Variants in SOX6 observed in about 807,000 individuals in gnomAD.
SOX6 encodes the protein transcription factor SOX-6.
A neutral mutation model predicts 97.8 loss-of-function variants in SOX6; 11 were observed. That is an observed-to-expected ratio of 0.11 (90% CI 0.07 to 0.19). SOX6 has a LOEUF of 0.19. SOX6 is among the 10% of genes least tolerant of loss of function. The pLI is 1.00. For missense variants in SOX6, 810 were observed against 1,039.5 expected, an observed-to-expected ratio of 0.78 and a Z score of 3.04; for synonymous variants, 360 against 371.4, an observed-to-expected ratio of 0.97 and a Z score of 0.35.
At chr11:16,604,758 G>C (rs928790392) in intron 4 of SOX6, among the ~76,000 whole-genome samples, 4 of 152,236 alleles carry the variant, frequency 2.6e-5, no homozygotes, top group African/African-American at 9.6e-5. Flanking sequence ...TCCCCAAATA[G>C]GGGCTGCATT....
chr11:16,230,760 T>C (rs1186083709), intron 4 of SOX6, among the ~76,000 whole-genome samples: 2 of 151,512 alleles, frequency 1.3e-5, no homozygotes, highest in South Asian at 2.1e-4. Flanking sequence ...TAAAGAAAAA[T>C]TATGAGTGTA....
chr11:16,678,057 T>G (rs1249427468), intron 3 of SOX6, among the ~76,000 whole-genome samples: 1 of 152,216 alleles, frequency 6.6e-6, no homozygotes, highest in Non-Finnish European at 1.5e-5. Flanking sequence ...CTTATCACTC[T>G]GACTAGATGT....
intron 2 of SOX6, among the ~76,000 whole-genome samples, chr11:16,733,133 T>G (rs1321022265): frequency 1.3e-5 from 2 of 152,262 alleles, no homozygotes; most frequent in Non-Finnish European, 2.9e-5. Context: ...TTGGTGAGAA[T>G]GTGAATTAGT....
intron 3 of SOX6, among the ~76,000 whole-genome samples, chr11:16,273,674 A>C (rs1470188909): frequency 2.0e-5 from 3 of 152,042 alleles, no homozygotes; most frequent in Non-Finnish European, 4.4e-5. Flanking sequence ...GAAGAAAAAA[A>C]ACATGATCAA....
At chr11:16,564,442 A>C (rs898559876) in intron 4 of SOX6, among the ~76,000 whole-genome samples, 1 of 152,214 alleles carries the variant, frequency 6.6e-6, no homozygotes, top group Non-Finnish European at 1.5e-5. Flanking sequence ...ATGATACAGA[A>C]GAATTAAACA....
chr11:16,027,515 C>T (rs1182482158), intron 12 of SOX6, among the ~76,000 whole-genome samples: 2 of 152,112 alleles, frequency 1.3e-5, no homozygotes, highest in Non-Finnish European at 2.9e-5. Flanking sequence ...CTGCTTTAGT[C>T]GTACTATAGA....
At chr11:16,176,115 CAGAG>C (rs143702999) in intron 6 of SOX6, among the ~76,000 whole-genome samples, 90 of 141,174 alleles carry the variant, frequency 6.4e-4, no homozygotes, top group East Asian at 2.9e-3. Flanking sequence ...ATGGATGAGA[CAGAG>C]AGAGAGAGAG....
intron 4 of SOX6, among the ~76,000 whole-genome samples, chr11:16,593,935 A>G (rs1848182103): frequency 6.6e-6 from 1 of 152,234 alleles, no homozygotes; most frequent in Admixed American, 6.5e-5. Context: ...TTCATGTACA[A>G]TATAAAGGGG....
At chr11:16,123,553 G>A (rs1849542384) in intron 6 of SOX6, among the ~76,000 whole-genome samples, 1 of 151,988 alleles carries the variant, frequency 6.6e-6, no homozygotes, top group South Asian at 2.1e-4. Context: ...AAGTCAAGTA[G>A]TCTTCAGGTT....
intron 4 of SOX6, among the ~76,000 whole-genome samples, chr11:16,594,690 T>TTTG (rs1435118862): frequency 4.8e-4 from 59 of 123,796 alleles, no homozygotes; most frequent in Middle Eastern, 3.9e-3. Context: ...TTTGCTTTTT[T>TTTG]TTTTTTTTTT....
intron 4 of SOX6, among the ~76,000 whole-genome samples, chr11:16,228,728 T>G (rs1435338778): frequency 6.6e-6 from 1 of 152,168 alleles, no homozygotes; most frequent in Non-Finnish European, 1.5e-5. Flanking sequence ...GCTTGACTAG[T>G]AATCATTTCA....
intron 4 of SOX6, among the ~76,000 whole-genome samples, chr11:16,214,993 TGACCTC>T (rs1852333143): frequency 6.6e-6 from 1 of 152,064 alleles, no homozygotes; most frequent in Admixed American, 6.6e-5. Flanking sequence ...CATGATCAGC[TGACCTC>T]GGCCTCCCAA....
chr11:16,078,872 G>C (rs1187372064), intron 9 of SOX6, among the ~76,000 whole-genome samples: 1 of 152,116 alleles, frequency 6.6e-6, no homozygotes, highest in Non-Finnish European at 1.5e-5. Context: ...CCTATGGCAA[G>C]GGTGTACTTG....
At chr11:16,455,912 C>T (rs1398540496) in intron 1 of SOX6, among the ~76,000 whole-genome samples, 17 of 151,850 alleles carry the variant, frequency 1.1e-4, no homozygotes, top group Non-Finnish European at 1.2e-4. Flanking sequence ...TTACTGGTTG[C>T]TTAAAGAAAA....
At chr11:16,590,678 G>A (rs1848139582) in intron 4 of SOX6, among the ~76,000 whole-genome samples, 1 of 152,070 alleles carries the variant, frequency 6.6e-6, no homozygotes, top group African/African-American at 2.4e-5. Flanking sequence ...ATAATGTTCA[G>A]TGAAATAAGC....
intron 1 of SOX6, among the ~76,000 whole-genome samples, chr11:16,414,469 A>G (rs897969137): frequency 1.3e-5 from 2 of 152,310 alleles, no homozygotes; most frequent in South Asian, 4.1e-4. Flanking sequence ...TTTTTAATTA[A>G]TTCCCTCAGT....
intron 13 of SOX6, among the ~76,000 whole-genome samples, chr11:15,996,584 G>A (rs536180814): frequency 6.6e-6 from 1 of 152,270 alleles, no homozygotes; most frequent in South Asian, 2.1e-4. Flanking sequence ...CTGCACTCCA[G>A]CCTGGGTGAT....
chr11:16,041,740 G>A (rs1855673748), intron 12 of SOX6, among the ~76,000 whole-genome samples: 1 of 152,150 alleles, frequency 6.6e-6, no homozygotes, highest in African/African-American at 2.4e-5. Context: ...TCAAATTTGA[G>A]TATTATTATC....
At chr11:16,090,791 T>C (rs146744251) in intron 9 of SOX6, among the ~76,000 whole-genome samples, 4 of 152,176 alleles carry the variant, frequency 2.6e-5, no homozygotes, top group Non-Finnish European at 4.4e-5. Flanking sequence ...AATTAACTTA[T>C]ACTCTAGTAG....
Sources: allele counts gnomAD v4.1 joint callset (sites outside exome capture counted in the v4.1 genomes callset), GRCh38; gene constraint gnomAD v4.1.1; transcripts MANE v1.5; gene names NCBI Gene and HGNC (gene_info 2026-07-23, HGNC 2026-07-21).